COL6A3: variants seen among roughly 807,000 people sequenced by gnomAD.
COL6A3 encodes collagen type VI alpha 3 chain, also known as collagen alpha-3(VI) chain.
COL6A3 carries 137 observed loss-of-function variants against 274.1 expected under a neutral mutation model. The observed-to-expected ratio is 0.50, with a 90% CI of 0.44 to 0.58. The LOEUF is 0.58. COL6A3 is among the 20% of genes least tolerant of loss of function. The pLI is 0.00. For missense variants in COL6A3, 3,950 were observed against 4,124.9 expected (o/e 0.96, Z 1.16); for synonymous variants, 1,650 against 1,650.6 (o/e 1.00, Z 0.01).
At chr2:237,384,942 G>A (rs902141689) in intron 4 of COL6A3, among the ~76,000 whole-genome samples, 2 of 152,130 alleles carry the variant, frequency 1.3e-5, no homozygotes, top group African/African-American at 4.8e-5. Flanking sequence ...CCTTCTGACA[G>A]TTCTGGGAAG....
Position 237,333,082 on chromosome 2 carries a change from G to GT in COL6A3, c.9328+367dup, listed in dbSNP as rs571368541. ...AATTTGTCTTGTGTTCTTCTAAGCAGTTTTTTTATTAGATTAAATCACTGA... is the reference window on the plus strand; with the variant it reads ...AATTTGTCTTGTGTTCTTCTAAGCAGTTTTTTTTATTAGATTAAATCACTGA... On this transcript the variant is annotated intron_variant, in intron 42 of 43. Transcript: ENST00000295550. 71 of 326,590 alleles carry GT rather than the reference G, an allele frequency of 2.2e-4. 1 individual carries two copies. The highest frequency in any genetic ancestry group is 1.8e-3 in the South Asian group (59 of 33,050). 20.2% of individuals were successfully genotyped at this position (326,590 alleles called of 1,614,324 possible).
rs1390452429 is a variant in COL6A3, at chr2:237,345,055, T to TA, written c.7162+2dup. ...GTGAGACAACAGAAAATCATGTACT[T>TA]ACGGCATTTATCTTTGATGCTTTGG... On this transcript the variant is annotated splice_region_variant and intron_variant, in intron 34 of 43. Transcript: ENST00000295550. The TA allele has an allele frequency of 6.2e-7, 1 of 1,614,088 alleles. No homozygotes were observed. Among genetic ancestry groups the TA allele is most frequent in the Non-Finnish European group, 8.5e-7 (1 of 1,180,022 alleles).
intron 8 of COL6A3, among the ~76,000 whole-genome samples, chr2:237,372,666 G>A (rs766137218): frequency 8.5e-5 from 13 of 152,330 alleles, no homozygotes; most frequent in Admixed American, 2.0e-4. Context: ...CCAGAGACAG[G>A]GACCTTGTCA....
chr2:237,378,900 G>A lies in COL6A3; in HGVS notation c.2233C>T (p.Gln745Ter), dbSNP rs765240120. ...CCAGCTGTGAGCAGAAGCAGGAGCT[G>A]CGGCACGTGTTCACGGATCCTGCTG... ...GGSRIREHVP[Q>*]LLLLLTAGQS... Residue 745 changes from glutamine (Q) to a stop codon, truncating the protein, a stop_gained, in exon 6 of 44, where the codon CAG (glutamine) becomes TAG (stop). Coordinates refer to ENST00000295550, the MANE Select transcript of COL6A3 (RefSeq NM_004369.4). LOFTEE classifies it high-confidence loss of function. The A allele has an allele frequency of 1.2e-6, 2 of 1,614,236 alleles. No homozygotes were observed. The highest frequency in any genetic ancestry group is 2.2e-5 in the South Asian group (2 of 91,088).
rs1415464749 is a variant in COL6A3 at position 237,375,408 on chromosome 2, T to C, written c.3071-388A>G. 7.9e-5 allele frequency among the ~76,000 whole-genome samples: 12 copies of C among 152,230 alleles called. No homozygotes were observed. In the East Asian group the frequency reaches 2.3e-3, roughly 29 times the overall value. ...CTGGAAAAGGTGAGCAGATGAAGAA[T>C]CCCTTAGAACCTGCAGAAAGAACAC... On this transcript the variant is annotated intron_variant, in intron 7 of 43. Coordinates refer to ENST00000295550, the MANE Select transcript of COL6A3 (RefSeq NM_004369.4).
chr2:237,368,763 C>A lies in COL6A3; in HGVS notation c.4700G>T (p.Gly1567Val). Reference sequence around the variant, plus strand: ...GTCTCCTACCCCTAAACTCACAATGCCCGAGGAACGGATCACCTGGGCGAA... The same window carrying A: ...GTCTCCTACCCCTAAACTCACAATGACCGAGGAACGGATCACCTGGGCGAA... Reference protein sequence around the residue: ...SRFAQVIRSSGIVSLGVGDRN... With the variant: ...SRFAQVIRSSVIVSLGVGDRN... The change falls in exon 10 of 44, where the codon GGC becomes GTC. Residue 1567 changes from glycine (G) to valine (V), a missense_variant. This residue lies in a region of COL6A3 where 632 missense variants were observed against 623.4 expected (regional missense o/e 1.01). Coordinates refer to ENST00000295550, the MANE Select transcript of COL6A3 (RefSeq NM_004369.4). The surrounding 1 kb of genome is among the most constrained non-coding windows in gnomAD (Gnocchi z 4.4). 2.5e-6 allele frequency: 4 copies of A among 1,614,206 alleles called. No homozygotes were observed. Among genetic ancestry groups the A allele is most frequent in the Non-Finnish European group, 3.4e-6 (4 of 1,180,038 alleles).
At chr2:237,346,696 A>C (rs2106327085) in intron 31 of COL6A3, 131 bp from the exon 32 acceptor site, 2 of 795,138 alleles carry the variant, frequency 2.5e-6, no homozygotes, top group South Asian at 2.9e-5. Context: ...CTCTCACTTT[A>C]AGGGAGCTAA....
At position 237,413,196 on chromosome 2, in the gene COL6A3, G is replaced by A. The variant is rs115727053; in HGVS notation, c.-31+757C>T. Reference sequence around the variant, plus strand: ...TCGGCACTGGCCTCACCTCTGTGCAGCATGGGCTGGCCCTGCAGCCCCAGG... The same window carrying A: ...TCGGCACTGGCCTCACCTCTGTGCAACATGGGCTGGCCCTGCAGCCCCAGG... On this transcript the variant is annotated intron_variant, in intron 1 of 43. Transcript: ENST00000295550. This position sits in a 1 kb window ranked among gnomAD's most constrained non-coding sequence, Gnocchi z 4.0. Among the ~76,000 whole-genome samples the A allele has an allele frequency of 0.029, 4,464 of 152,286 alleles. 107 individuals are homozygous for A. Among genetic ancestry groups the A allele is most frequent in the African/African-American group, 0.059 (2,472 of 41,560 alleles).
At chr2:237,389,702 C>T (rs890249185) in intron 3 of COL6A3, among the ~76,000 whole-genome samples, 13 of 152,194 alleles carry the variant, frequency 8.5e-5, no homozygotes, top group Non-Finnish European at 1.9e-4. Context: ...TCCTAATATA[C>T]AAGAAAGTTC....
chr2:237,396,835 A>G lies in COL6A3; in HGVS notation c.-18T>C, dbSNP rs772549744. On this transcript the variant is annotated 5_prime_UTR_variant, in exon 2 of 44. Transcript: ENST00000295550. ...TTCCTCATTTTGAATTTGTCTAAGC[A>G]CCAAATATGAACCTAAAAGAGAAAA... The G allele has an allele frequency of 2.5e-6, 4 of 1,610,952 alleles. No homozygotes were observed. Among genetic ancestry groups the G allele is most frequent in the South Asian group, 1.1e-5 (1 of 91,042 alleles).
In COL6A3 at chr2:237,334,207, G is replaced by A. The variant is rs923130479; in HGVS notation, c.9229+419C>T. Among the ~76,000 whole-genome samples, 6 of 152,286 alleles carry A rather than the reference G, an allele frequency of 3.9e-5. 1 individual carries two copies. In the South Asian group the frequency reaches 1.2e-3, roughly 32 times the overall value. On this transcript the variant is annotated intron_variant, in intron 41 of 43. Transcript: ENST00000295550. Reference sequence around the variant, plus strand: ...CCACCCCCGGGGCGGTGAGACTTCAGGGACACCTCCATTACTCCCTAAGGA... The same window carrying A: ...CCACCCCCGGGGCGGTGAGACTTCAAGGACACCTCCATTACTCCCTAAGGA...
intron 1 of COL6A3, among the ~76,000 whole-genome samples, chr2:237,402,533 G>A (rs1249729177): frequency 6.6e-6 from 1 of 152,108 alleles, no homozygotes; most frequent in Non-Finnish European, 1.5e-5. Flanking sequence ...TAGAGTTTAA[G>A]AGCTACTAGG....
chr2:237,325,293 C>T (rs969187563), intron 43 of COL6A3, among the ~76,000 whole-genome samples: 2 of 152,136 alleles, frequency 1.3e-5, no homozygotes, highest in Non-Finnish European at 2.9e-5. Flanking sequence ...TCCCAGGAAT[C>T]ATTTTTGGTG....
chr2:237,328,206 C>T (rs888195978), intron 42 of COL6A3: 7 of 152,310 alleles, frequency 4.6e-5, no homozygotes, highest in Middle Eastern at 3.2e-3. Context: ...CTGACTCAGA[C>T]CACTGTCTGC....
rs573807591 is a variant in COL6A3 at position 237,389,268 on chromosome 2, C to T, written c.710-1084G>A. 1.1e-4 allele frequency among the ~76,000 whole-genome samples: 17 copies of T among 152,216 alleles called. No individual in the cohort carries two copies. The South Asian group carries it at 1.5e-3, about 13-fold the overall frequency. ...GGCCAGAGATTTCACAGCATCAGTT[C>T]GAATGTTTAAATTTGGCTGATTTAA... On this transcript the variant is annotated intron_variant, in intron 3 of 43. Coordinates refer to ENST00000295550, the MANE Select transcript of COL6A3 (RefSeq NM_004369.4).
At chr2:237,397,511 G>A (rs2078481397) in intron 1 of COL6A3, among the ~76,000 whole-genome samples, 1 of 151,946 alleles carries the variant, frequency 6.6e-6, no homozygotes, top group Admixed American at 6.6e-5. Flanking sequence ...GAGGAAGGGA[G>A]GAGGCAAGGT....
Position 237,336,145 on chromosome 2 carries a change from A to G in COL6A3, c.8955T>C (p.Thr2985=), listed in dbSNP as rs762246297. ...AKPAATKPAT[T]KPMVKMSREV... Reference sequence around the variant, plus strand: ...CAAGGGCTTTCTTACCCATGGGCTTAGTGGTGGCTGGCTTGGTGGCAGCTG... The same window carrying G: ...CAAGGGCTTTCTTACCCATGGGCTTGGTGGTGGCTGGCTTGGTGGCAGCTG... The change falls in exon 40 of 44, where the codon ACT becomes ACC. Residue 2985 remains threonine (T), a synonymous_variant. Transcript: ENST00000295550. 3.1e-6 allele frequency: 5 copies of G among 1,613,544 alleles called. No homozygotes were observed. Among genetic ancestry groups the G allele is most frequent in the Non-Finnish European group, 4.2e-6 (5 of 1,180,020 alleles).
rs2078907762 is a variant in COL6A3 at position 237,413,586 on chromosome 2, A to T, written c.-31+367T>A. Among the ~76,000 whole-genome samples, 1 of 152,314 alleles carries T rather than the reference A, an allele frequency of 6.6e-6. No homozygotes were observed. Among genetic ancestry groups the T allele is most frequent in the Admixed American group, 6.5e-5 (1 of 15,292 alleles). On this transcript the variant is annotated intron_variant, in intron 1 of 43. Coordinates refer to ENST00000295550, the MANE Select transcript of COL6A3 (RefSeq NM_004369.4). This position sits in a 1 kb window ranked among gnomAD's most constrained non-coding sequence, Gnocchi z 4.0. Reference sequence around the variant, plus strand: ...AGGGAGCTATGCTAGTCCTCAGCAAAGACGCTTCTGCAAACAAAGCGGATC... The same window carrying T: ...AGGGAGCTATGCTAGTCCTCAGCAATGACGCTTCTGCAAACAAAGCGGATC...
chr2:237,344,170 T>G lies in COL6A3; in HGVS notation c.7668+180A>C. ...TACAAGCATGTAGGCGTCCCTGTAG[T>G]GCTGGAGCCACGAGGTTGTCCTGGA... On this transcript the variant is annotated intron_variant, in intron 36 of 43. Coordinates refer to ENST00000295550, the MANE Select transcript of COL6A3 (RefSeq NM_004369.4). The surrounding 1 kb of genome is among the most constrained non-coding windows in gnomAD (Gnocchi z 4.8). 2 of 874,512 alleles carry G rather than the reference T, an allele frequency of 2.3e-6. No individual in the cohort carries two copies. The allele number at this position is 874,512 out of a possible 1,614,324, so 54.2% of individuals were successfully genotyped here. A position where few individuals can be genotyped will look rare whatever the true frequency, so the allele number is the denominator to read the frequency against.
Sources: allele counts gnomAD v4.1 joint callset (sites outside exome capture counted in the v4.1 genomes callset), GRCh38; gene constraint gnomAD v4.1.1; regional missense constraint gnomAD v4.1.1; non-coding constraint Gnocchi (gnomAD v3.1); transcripts MANE v1.5; gene names NCBI Gene and HGNC (gene_info 2026-07-23, HGNC 2026-07-21).